VAV1: variants seen among roughly 807,000 people sequenced by gnomAD.
The protein encoded by VAV1 is vav guanine nucleotide exchange factor 1.
A neutral mutation model predicts 128.1 loss-of-function variants in VAV1; 33 were observed. That is an observed-to-expected ratio of 0.26 (90% CI 0.20 to 0.34). VAV1 has a LOEUF of 0.34. Among genes scored for constraint, VAV1 ranks in the 10% least tolerant of loss-of-function variants. VAV1 has a pLI of 1.00. For synonymous variants in VAV1, 394 were observed against 409.8 expected (o/e 0.96, Z 0.47); for missense variants, 715 against 1,093.7 (o/e 0.65, Z 4.88).
intron 1 of VAV1, among the ~76,000 whole-genome samples, chr19:6,785,355 G>A (rs190153505): frequency 4.6e-5 from 7 of 152,062 alleles, no homozygotes; most frequent in Admixed American, 3.3e-4. Context: ...TTGTTTTAAC[G>A]GGGTCTCTGT....
At chr19:6,780,124 T>C (rs1599615007) in intron 1 of VAV1, among the ~76,000 whole-genome samples, 2 of 130,378 alleles carry the variant, frequency 1.5e-5, no homozygotes, top group African/African-American at 2.9e-5. Context: ...ATAATAATAA[T>C]AATAATAATA....
chr19:6,839,817 A>G (rs191831761), intron 21 of VAV1, among the ~76,000 whole-genome samples: 20 of 152,092 alleles, frequency 1.3e-4, no homozygotes, highest in African/African-American at 4.6e-4. Flanking sequence ...CCGCCTCCCA[A>G]GTAGCTGGGA....
At chr19:6,831,144 G>A (rs1056930914) in intron 14 of VAV1, among the ~76,000 whole-genome samples, 5 of 152,086 alleles carry the variant, frequency 3.3e-5, no homozygotes, top group Admixed American at 6.6e-5. Flanking sequence ...GTGGGAGGGG[G>A]AGCTATCTTA....
At chr19:6,778,551 C>G (rs1007853651) in intron 1 of VAV1, among the ~76,000 whole-genome samples, 4 of 152,126 alleles carry the variant, frequency 2.6e-5, no homozygotes, top group Non-Finnish European at 4.4e-5. Context: ...GCTTCAGTTT[C>G]TCCATCTGTG....
At chr19:6,809,070 T>C (rs2144745383) in intron 1 of VAV1, among the ~76,000 whole-genome samples, 1 of 109,164 alleles carries the variant, frequency 9.2e-6, no homozygotes, top group Admixed American at 1.1e-4. Flanking sequence ...ACTTAGAATC[T>C]ACCTCTCTTT....
chr19:6,836,325 G>A, intron 19 of VAV1, 107 bp from the exon 20 acceptor site: 1 of 1,385,034 alleles, frequency 7.2e-7, no homozygotes, highest in Admixed American at 2.4e-5. Context: ...TCAACACTTA[G>A]TATTGCCAGT....
chr19:6,833,724 T>C lies in VAV1; in HGVS notation c.1722T>C (p.Thr574=), dbSNP rs749421363. 5 of 1,613,990 alleles carry C rather than the reference T, an allele frequency of 3.1e-6. No homozygotes were observed. The African/African-American group carries it at 6.7e-5, about 22-fold the overall frequency. ...ACCCTCCCGTAGATTTCCCAGGAAC[T>C]ATGAAGAAGGTAAGACTTTCCCGTG... ...CGRHGQDFPG[T]MKKDKLHRRA... is the part of the protein sequence containing the mutation. Residue 574 remains threonine (T), a synonymous_variant, in exon 18 of 27, where the codon ACT becomes ACC. Coordinates refer to ENST00000602142, the MANE Select transcript of VAV1 (RefSeq NM_005428.4).
intron 4 of VAV1, 85 bp downstream of exon 4, chr19:6,821,944 C>A: frequency 1.9e-6 from 3 of 1,563,716 alleles, no homozygotes; most frequent in South Asian, 1.1e-5. Context: ...CCTTGCCCTC[C>A]GGGAAATAAG....
intron 1 of VAV1, among the ~76,000 whole-genome samples, chr19:6,782,899 A>C (rs553605381): frequency 1.3e-5 from 2 of 150,346 alleles, no homozygotes; most frequent in Admixed American, 1.3e-4. Flanking sequence ...AAAAAAAAAA[A>C]GGCCAGGTGC....
chr19:6,824,789 C>G (rs145367293), intron 6 of VAV1, among the ~76,000 whole-genome samples: 3,695 of 152,252 alleles, frequency 0.024, 71 homozygotes, highest in Middle Eastern at 0.1. Flanking sequence ...CTCAGGCTCC[C>G]AAAGTGCTGG....
intron 1 of VAV1, among the ~76,000 whole-genome samples, chr19:6,796,770 G>T (rs537173149): frequency 6.6e-6 from 1 of 151,558 alleles, no homozygotes; most frequent in African/African-American, 2.4e-5. Context: ...TTTTTTTCTC[G>T]CTTAACACTT....
At chr19:6,780,553 T>G (rs1175500653) in intron 1 of VAV1, among the ~76,000 whole-genome samples, 1 of 148,696 alleles carries the variant, frequency 6.7e-6, no homozygotes, top group Non-Finnish European at 1.5e-5. Context: ...AAGATTGCCT[T>G]CTCCTTTTCT....
intron 19 of VAV1, among the ~76,000 whole-genome samples, chr19:6,834,689 A>T (rs973974336): frequency 6.8e-6 from 1 of 146,446 alleles, no homozygotes; most frequent in East Asian, 2.0e-4. Context: ...ATTTATTAAA[A>T]ATATATTATA....
intron 1 of VAV1, among the ~76,000 whole-genome samples, chr19:6,798,686 A>G (rs1211324349): frequency 6.7e-6 from 1 of 148,334 alleles, no homozygotes; most frequent in East Asian, 1.9e-4. Context: ...AGAAGGGGGA[A>G]AAAAGAAAGA....
chr19:6,782,536 G>T (rs1028597274), intron 1 of VAV1, among the ~76,000 whole-genome samples: 23 of 152,210 alleles, frequency 1.5e-4, no homozygotes, highest in African/African-American at 5.5e-4. Flanking sequence ...CCAGCTGCCT[G>T]TAGGCAATGG....
intron 1 of VAV1, among the ~76,000 whole-genome samples, chr19:6,818,208 T>A (rs1971702348): frequency 6.6e-6 from 1 of 152,096 alleles, no homozygotes. Context: ...GGGAGTGGGA[T>A]TTTAAATAGG....
At chr19:6,844,435 T>G (rs1972465263) in intron 22 of VAV1, among the ~76,000 whole-genome samples, 1 of 152,132 alleles carries the variant, frequency 6.6e-6, no homozygotes, top group Non-Finnish European at 1.5e-5. Flanking sequence ...CAGGCTGGTC[T>G]CGAACTCCTG....
intron 1 of VAV1, among the ~76,000 whole-genome samples, chr19:6,783,240 G>A (rs1217592435): frequency 6.6e-6 from 1 of 152,118 alleles, no homozygotes; most frequent in African/African-American, 2.4e-5. Flanking sequence ...CAAATTACAT[G>A]ACTTCAGTGA....
intron 1 of VAV1, among the ~76,000 whole-genome samples, chr19:6,798,043 G>A (rs1029255044): frequency 2.0e-5 from 3 of 152,084 alleles, no homozygotes; most frequent in East Asian, 1.9e-4. Flanking sequence ...TTGGGAGGCC[G>A]AGGTGGGCAA....
Sources: gnomAD v4.1 joint callset for allele counts (sites outside exome capture counted in the v4.1 genomes callset) on GRCh38, gnomAD v4.1.1 for gene constraint, MANE v1.5 for transcripts, NCBI Gene and HGNC (gene_info 2026-07-23, HGNC 2026-07-21) for gene names.